Variants in DPF3 observed in about 807,000 individuals in gnomAD.
The protein encoded by DPF3 is double PHD fingers 3, also known as zinc finger protein DPF3.
A neutral mutation model predicts 56.8 loss-of-function variants in DPF3; 18 were observed. That is an observed-to-expected ratio of 0.32 (90% CI 0.22 to 0.47). DPF3 has a LOEUF of 0.47. Among genes scored for constraint, DPF3 ranks in the 20% least tolerant of loss-of-function variants. The pLI is 1.00. For synonymous variants in DPF3, 188 were observed against 180.2 expected (o/e 1.04, Z -0.35); for missense variants, 403 against 488.8 (o/e 0.82, Z 1.65).
intron 1 of DPF3, among the ~76,000 whole-genome samples, chr14:72,777,604 TG>T (rs754436277): frequency 1.7e-4 from 26 of 152,186 alleles, no homozygotes; most frequent in Non-Finnish European, 3.7e-4. Context: ...TCCCCAACTC[TG>T]GGGGTGGGGC....
intron 1 of DPF3, among the ~76,000 whole-genome samples, chr14:72,772,517 G>A (rs983509034): frequency 3.9e-5 from 6 of 152,138 alleles, no homozygotes; most frequent in Admixed American, 6.5e-5. Flanking sequence ...ATAACTTTCC[G>A]ATAGAAAACA....
intron 2 of DPF3, among the ~76,000 whole-genome samples, chr14:72,761,434 A>T (rs1891065217): frequency 6.6e-6 from 1 of 152,080 alleles, no homozygotes; most frequent in African/African-American, 2.4e-5. Context: ...AAACGTCCCA[A>T]GTGTTTGGAA....
At chr14:72,780,113 A>G (rs1891912241) in intron 1 of DPF3, among the ~76,000 whole-genome samples, 1 of 152,206 alleles carries the variant, frequency 6.6e-6, no homozygotes, top group South Asian at 2.1e-4. Flanking sequence ...CCCCCTGCAT[A>G]TATGAAACAG....
In DPF3 at chr14:72,815,722, G is replaced by C. The variant is rs1215741026; in HGVS notation, c.33-43829C>G. ...CTAACAAATTACTACAAACTCAGTA[G>C]CTTAAAACAACACAGATTTACTGTC... is the stretch of plus-strand genomic sequence containing the variant. On this transcript the variant is annotated intron_variant, in intron 1 of 10. Coordinates refer to ENST00000556509, the MANE Select transcript of DPF3 (RefSeq NM_001280542.3). Among the ~76,000 whole-genome samples, 3 of 152,202 alleles carry C rather than the reference G, an allele frequency of 2.0e-5. No homozygotes were observed. The East Asian group carries it at 5.8e-4, about 29-fold the overall frequency.
At chr14:72,663,599 T>G (rs1173041066) in intron 8 of DPF3, among the ~76,000 whole-genome samples, 4 of 152,202 alleles carry the variant, frequency 2.6e-5, no homozygotes, top group Non-Finnish European at 4.4e-5. Flanking sequence ...ATCTGCCATT[T>G]TGGTCTTTGG....
chr14:72,763,831 T>C (rs900995105), intron 2 of DPF3, among the ~76,000 whole-genome samples: 1 of 152,148 alleles, frequency 6.6e-6, no homozygotes, highest in Non-Finnish European at 1.5e-5. Flanking sequence ...TTGCAAAGCA[T>C]AGGTCTGATA....
At chr14:72,650,411 T>G (rs1049373033) in intron 8 of DPF3, among the ~76,000 whole-genome samples, 3 of 152,230 alleles carry the variant, frequency 2.0e-5, no homozygotes, top group Non-Finnish European at 2.9e-5. Context: ...GGAAGCAGCC[T>G]GGCTTGGGAG....
At chr14:72,661,810 A>G in intron 8 of DPF3, 2 of 978,230 alleles carry the variant, frequency 2.0e-6, no homozygotes, top group Non-Finnish European at 2.4e-6. Context: ...AGGAGTTGTT[A>G]GGTGACTGAA....
chr14:72,771,026 A>C (rs1323677299), intron 2 of DPF3, among the ~76,000 whole-genome samples: 2 of 152,066 alleles, frequency 1.3e-5, no homozygotes, highest in South Asian at 4.2e-4. Flanking sequence ...AAATACAAAA[A>C]CTAGCTGGGT....
chr14:72,703,181 C>G (rs1021611621), intron 6 of DPF3, among the ~76,000 whole-genome samples: 1 of 152,154 alleles, frequency 6.6e-6, no homozygotes, highest in South Asian at 2.1e-4. Flanking sequence ...CCACCCTGCA[C>G]GATTGGCAGC....
chr14:72,677,118 G>A (rs1203145338), intron 7 of DPF3, among the ~76,000 whole-genome samples: 1 of 152,196 alleles, frequency 6.6e-6, no homozygotes, highest in Non-Finnish European at 1.5e-5. Flanking sequence ...GGTGAGGGAG[G>A]TCCTAAAATC....
intron 1 of DPF3, among the ~76,000 whole-genome samples, chr14:72,814,304 C>A (rs1484981556): frequency 6.6e-6 from 1 of 152,130 alleles, no homozygotes. Flanking sequence ...CTCTTCTATG[C>A]TCACCAAACT....
At chr14:72,768,333 G>A (rs1891375367) in intron 2 of DPF3, among the ~76,000 whole-genome samples, 1 of 152,180 alleles carries the variant, frequency 6.6e-6, no homozygotes, top group Non-Finnish European at 1.5e-5. Flanking sequence ...TGTATGTAAA[G>A]GAAATGCTTA....
intron 10 of DPF3, among the ~76,000 whole-genome samples, chr14:72,619,601 T>TGTC (rs544003898): frequency 1.4e-3 from 209 of 152,234 alleles, no homozygotes; most frequent in African/African-American, 4.7e-3. Context: ...TCCAAACTAG[T>TGTC]GTCGCCGGGC....
At chr14:72,884,971 T>TATATATA (rs10523148) in intron 1 of DPF3, among the ~76,000 whole-genome samples, 100 of 111,546 alleles carry the variant, frequency 9.0e-4, no homozygotes, top group Middle Eastern at 4.3e-3. Flanking sequence ...TATATATATA[T>TATATATA]TAGCCGGGCG....
intron 1 of DPF3, among the ~76,000 whole-genome samples, chr14:72,800,668 G>T (rs960001793): frequency 4.6e-5 from 7 of 151,944 alleles, no homozygotes; most frequent in Non-Finnish European, 4.4e-5. Context: ...ATGCATGGAT[G>T]AACGGATGCA....
At chr14:72,709,047 C>T (rs760887359) in intron 6 of DPF3, among the ~76,000 whole-genome samples, 1 of 152,266 alleles carries the variant, frequency 6.6e-6, no homozygotes, top group Non-Finnish European at 1.5e-5. Flanking sequence ...ATACCCTTCT[C>T]TCTGAAGTAC....
In DPF3 at chr14:72,771,590, T is replaced by C. The variant is rs547286783; in HGVS notation, c.193+143A>G. Reference sequence around the variant, plus strand: ...GGAGCCATAAAAGTAGCTGAGCTTCTTTAAGGTATCTCAGAGGCCCATGTG... The same window carrying C: ...GGAGCCATAAAAGTAGCTGAGCTTCCTTAAGGTATCTCAGAGGCCCATGTG... On this transcript the variant is annotated intron_variant, in intron 2 of 10. Coordinates refer to ENST00000556509, the MANE Select transcript of DPF3 (RefSeq NM_001280542.3). 9.8e-5 allele frequency: 87 copies of C among 883,592 alleles called. No homozygotes were observed. The African/African-American group carries it at 1.2e-3, about 12-fold the overall frequency. The allele number at this position is 883,592 out of a possible 1,614,324, so 54.7% of individuals were successfully genotyped here. A position where few individuals can be genotyped will look rare whatever the true frequency, so the allele number is the denominator to read the frequency against.
intron 1 of DPF3, among the ~76,000 whole-genome samples, chr14:72,893,320 C>A (rs1274925089): frequency 6.6e-6 from 1 of 152,164 alleles, no homozygotes; most frequent in Non-Finnish European, 1.5e-5. Flanking sequence ...CCAAGTTAAC[C>A]CGAGTCGTTA....
Sources: gnomAD v4.1 joint callset for allele counts (sites outside exome capture counted in the v4.1 genomes callset) on GRCh38, gnomAD v4.1.1 for gene constraint, MANE v1.5 for transcripts, NCBI Gene and HGNC (gene_info 2026-07-23, HGNC 2026-07-21) for gene names.